Variants in WDR33 observed in about 807,000 individuals in gnomAD.
WDR33 encodes pre-mRNA 3' end processing protein WDR33.
WDR33 carries 47 observed loss-of-function variants against 164.9 expected under a neutral mutation model. The observed-to-expected ratio is 0.29, with a 90% CI of 0.23 to 0.36. WDR33 has a LOEUF of 0.36. Among genes scored for constraint, WDR33 ranks in the 10% least tolerant of loss-of-function variants. The pLI is 1.00. For synonymous variants in WDR33, 505 were observed against 589.0 expected (o/e 0.86, Z 2.06); for missense variants, 1,137 against 1,754.1 (o/e 0.65, Z 6.28).
At position 127,708,961 on chromosome 2, in the gene WDR33, T is replaced by A. The variant is rs551856362; in HGVS notation, c.3566-69A>T. 6 of 1,434,678 alleles carry A rather than the reference T, an allele frequency of 4.2e-6. No individual in the cohort carries two copies. The highest frequency in any genetic ancestry group is 5.5e-6 in the Non-Finnish European group (6 of 1,082,346). 88.9% of individuals were successfully genotyped at this position (1,434,678 alleles called of 1,614,324 possible). On this transcript the variant is annotated intron_variant, in intron 20 of 21. Transcript: ENST00000322313. The surrounding 1 kb of genome is among the most constrained non-coding windows in gnomAD (Gnocchi z 6.7). ...CCAGAAGTAGATGGGAATGACACTG[T>A]GAGAGTAAGGAGCAACTCGAGAGCC... is the stretch of plus-strand genomic sequence containing the variant.
Position 127,704,350 on chromosome 2 carries a change from C to T in WDR33, c.*1973G>A, listed in dbSNP as rs1249197206. The stretch of plus-strand genomic sequence containing the variant: ...TTTTTAAATGTGATCTGGTTATCTG[C>T]TTACTGAGATACTATGTTTCTAAAG... On this transcript the variant is annotated 3_prime_UTR_variant, in exon 22 of 22. Coordinates refer to ENST00000322313, the MANE Select transcript of WDR33 (RefSeq NM_018383.5). 2 of 166,846 alleles carry T rather than the reference C, an allele frequency of 1.2e-5. No individual in the cohort carries two copies. The highest frequency in any genetic ancestry group is 2.9e-5 in the Non-Finnish European group (2 of 68,078). 10.3% of individuals were successfully genotyped at this position (166,846 alleles called of 1,614,324 possible).
rs888494116 is a variant in WDR33, at chr2:127,720,811, C to T, written c.1672-458G>A. 6.6e-6 allele frequency among the ~76,000 whole-genome samples: 1 copy of T among 152,118 alleles called. No homozygotes were observed. Among genetic ancestry groups the T allele is most frequent in the African/African-American group, 2.4e-5 (1 of 41,426 alleles). On this transcript the variant is annotated intron_variant, in intron 15 of 21. Transcript: ENST00000322313. This position sits in a 1 kb window ranked among gnomAD's most constrained non-coding sequence, Gnocchi z 5.9. ...CTGGGTTCAGCTGATCCTCCCGCCT[C>T]GCCTCCCAAAGTGCTGGGATTACAG...
intron 7 of WDR33, among the ~76,000 whole-genome samples, chr2:127,742,287 G>C (rs1484485226): frequency 6.6e-6 from 1 of 152,004 alleles, no homozygotes; most frequent in Non-Finnish European, 1.5e-5. Flanking sequence ...CAGGACCTTG[G>C]GAGGCCAAGG....
At chr2:127,736,273 A>G (rs1224513234) in intron 7 of WDR33, 2 of 985,430 alleles carry the variant, frequency 2.0e-6, no homozygotes. Flanking sequence ...CAGAATGGAC[A>G]CTTCCGGGGG....
Position 127,741,302 on chromosome 2 carries a change from A to G in WDR33, c.725-14525T>C, listed in dbSNP as rs1035873881. Among the ~76,000 whole-genome samples, 1 of 152,208 alleles carries G rather than the reference A, an allele frequency of 6.6e-6. No homozygotes were observed. The highest frequency in any genetic ancestry group is 2.4e-5 in the African/African-American group (1 of 41,450). On this transcript the variant is annotated intron_variant, in intron 7 of 21. Transcript: ENST00000322313. The surrounding 1 kb of genome is among the most constrained non-coding windows in gnomAD (Gnocchi z 4.1). The stretch of plus-strand genomic sequence containing the variant: ...AAATGGAAAGAAGTGGAGGGCAAAG[A>G]GAGAATGGGAGAGGAGGAGAAAAAG...
Position 127,763,275 on chromosome 2 carries a change from A to G in WDR33, c.627-116T>C. 6.5e-7 allele frequency: 1 copy of G among 1,526,928 alleles called. No individual in the cohort carries two copies. The highest frequency in any genetic ancestry group is 8.8e-7 in the Non-Finnish European group (1 of 1,136,090). 94.6% of individuals were successfully genotyped at this position (1,526,928 alleles called of 1,614,324 possible). On this transcript the variant is annotated intron_variant, in intron 6 of 21. Coordinates refer to ENST00000322313, the MANE Select transcript of WDR33 (RefSeq NM_018383.5). This position sits in a 1 kb window ranked among gnomAD's most constrained non-coding sequence, Gnocchi z 4.5. ...CTGCATTATAAACAGGAGAGGGAAG[A>G]ATCCAGTGAAGAAGCCCTTAAAGTG... is the stretch of plus-strand genomic sequence containing the variant.
At chr2:127,715,088 CTTTTTTTTT>C (rs386391178) in intron 17 of WDR33, among the ~76,000 whole-genome samples, 3 of 108,572 alleles carry the variant, frequency 2.8e-5, no homozygotes, top group Admixed American at 9.9e-5. Context: ...TTCTTTGTTT[CTTTTTTTTT>C]TTTTTTTTTT....
chr2:127,761,688 TTTTGC>T (rs2105431267), intron 7 of WDR33, among the ~76,000 whole-genome samples: 1 of 152,334 alleles, frequency 6.6e-6, no homozygotes, highest in South Asian at 2.1e-4. Flanking sequence ...TCTGAACCTA[TTTTGC>T]TTTGAACATG....
In WDR33 at chr2:127,701,704, A is replaced by C; in HGVS notation, c.*4619T>G. 2.3e-6 allele frequency: 3 copies of C among 1,324,638 alleles called. No homozygotes were observed. Among genetic ancestry groups the C allele is most frequent in the South Asian group, 2.0e-5 (1 of 51,004 alleles). The allele number at this position is 1,324,638 out of a possible 1,614,324, so 82.1% of individuals were successfully genotyped here. ...TGGACGTGGGCGCGGAGCCCTGCGG[A>C]GTCGGCAGCGGCCGGCCTGACGTGC... On this transcript the variant is annotated 3_prime_UTR_variant, in exon 22 of 22. Transcript: ENST00000322313.
rs1027980665 is a variant in WDR33 at position 127,752,061 on chromosome 2, T to A, written c.724+11001A>T. On this transcript the variant is annotated intron_variant, in intron 7 of 21. Transcript: ENST00000322313. ...ATTAGATTTCTATATTTGAATCTTGTCTACTGCAACAAAAATATATGTATA... is the reference window on the plus strand; with the variant it reads ...ATTAGATTTCTATATTTGAATCTTGACTACTGCAACAAAAATATATGTATA... Among the ~76,000 whole-genome samples, 15 of 152,340 alleles carry A rather than the reference T, an allele frequency of 9.8e-5. No individual in the cohort carries two copies. The East Asian group carries it at 2.9e-3, about 29-fold the overall frequency.
At chr2:127,791,824 C>G (rs976171845) in intron 1 of WDR33, among the ~76,000 whole-genome samples, 2 of 152,152 alleles carry the variant, frequency 1.3e-5, no homozygotes, top group Non-Finnish European at 2.9e-5. Context: ...AACATACCTA[C>G]TACAGTTTGG....
Position 127,721,710 on chromosome 2 carries a change from A to G in WDR33, c.1671+126T>C, listed in dbSNP as rs148852401. On this transcript the variant is annotated intron_variant, in intron 15 of 21. Transcript: ENST00000322313. The surrounding 1 kb of genome is among the most constrained non-coding windows in gnomAD (Gnocchi z 4.9). Reference sequence around the variant, plus strand: ...GAAACTAGTCTTCTAGCATAGCAACAGGAAATGGCGGTGTTTGTCAGACCA... The same window carrying G: ...GAAACTAGTCTTCTAGCATAGCAACGGGAAATGGCGGTGTTTGTCAGACCA... 57 of 993,856 alleles carry G rather than the reference A, an allele frequency of 5.7e-5. No homozygotes were observed. The East Asian group carries it at 1.6e-3, about 27-fold the overall frequency. 61.6% of individuals were successfully genotyped at this position (993,856 alleles called of 1,614,324 possible).
intron 7 of WDR33, among the ~76,000 whole-genome samples, chr2:127,759,745 G>T (rs925103833): frequency 1.3e-5 from 2 of 151,526 alleles, no homozygotes; most frequent in Admixed American, 6.6e-5. Flanking sequence ...TATAAATTCT[G>T]CATTCAAAAG....
intron 1 of WDR33, among the ~76,000 whole-genome samples, chr2:127,802,403 T>C (rs1352083301): frequency 1.3e-5 from 2 of 152,140 alleles, no homozygotes; most frequent in African/African-American, 4.8e-5. Context: ...TGCCTCATCC[T>C]TCAGAGTAGC....
intron 1 of WDR33, chr2:127,798,820 C>T (rs1042997001): frequency 4.6e-5 from 7 of 151,810 alleles, no homozygotes; most frequent in African/African-American, 1.7e-4. Context: ...TTACTTGAAC[C>T]TCCCTCTACT....
chr2:127,734,986 C>T (rs1216543398), intron 7 of WDR33, among the ~76,000 whole-genome samples: 2 of 152,106 alleles, frequency 1.3e-5, no homozygotes, highest in African/African-American at 2.4e-5. Flanking sequence ...ATGCAGACTC[C>T]TTAATAAACC....
chr2:127,752,398 G>A (rs1053286243), intron 7 of WDR33, among the ~76,000 whole-genome samples: 3 of 151,762 alleles, frequency 2.0e-5, no homozygotes, highest in Non-Finnish European at 2.9e-5. Context: ...AGACCATCCT[G>A]GCTAACAAGG....
At chr2:127,737,108 G>A (rs1462622839) in intron 7 of WDR33, 7 of 985,128 alleles carry the variant, frequency 7.1e-6, no homozygotes, top group Non-Finnish European at 8.4e-6. Flanking sequence ...TCTCCTCTGT[G>A]GACTTTTTAA....
At chr2:127,793,060 TG>T (rs1688896157) in intron 1 of WDR33, among the ~76,000 whole-genome samples, 1 of 152,200 alleles carries the variant, frequency 6.6e-6, no homozygotes, top group Non-Finnish European at 1.5e-5. Context: ...ATTTCATACA[TG>T]TATGTGTATT....
Sources: allele counts gnomAD v4.1 joint callset (sites outside exome capture counted in the v4.1 genomes callset), GRCh38; gene constraint gnomAD v4.1.1; non-coding constraint Gnocchi (gnomAD v3.1); transcripts MANE v1.5; gene names NCBI Gene and HGNC (gene_info 2026-07-23, HGNC 2026-07-21).